Variants in LRMDA observed in about 807,000 individuals in gnomAD.
LRMDA encodes leucine-rich melanocyte differentiation-associated protein.
In LRMDA, 18 loss-of-function variants were observed where a neutral mutation model predicts 29.8. The observed-to-expected ratio is 0.60, with a 90% CI of 0.42 to 0.90. The LOEUF (loss-of-function observed/expected upper bound fraction) is 0.90. Ranked by LOEUF, LRMDA falls within the 40% of genes least tolerant of loss-of-function variation. The probability of loss-of-function intolerance (pLI) is 0.00; values close to 1 mark genes in which losing one functional copy is unlikely to be tolerated. For synonymous variants in LRMDA, 125 were observed against 109.4 expected, an observed-to-expected ratio of 1.14 and a Z score of -0.89; for missense variants, 273 against 273.9, an observed-to-expected ratio of 1.00 and a Z score of 0.02.
At position 76,126,090 on chromosome 10, in the gene LRMDA, T is replaced by C. The variant is rs147337845; in HGVS notation, c.516+67307T>C. On this transcript the variant is annotated intron_variant, in intron 5 of 6. Transcript: ENST00000611255. ...CAAACCACACACATGCCCTTGCAGG[T>C]TGAAGAGAGAGGGGATATCCTGACT... Among the ~76,000 whole-genome samples, 242 of 152,282 alleles carry C rather than the reference T, an allele frequency of 1.6e-3. 1 individual carries two copies. Among genetic ancestry groups the C allele is most frequent in the African/African-American group, 4.5e-3 (189 of 41,562 alleles).
At chr10:76,374,309 G>C (rs956494567) in intron 6 of LRMDA, among the ~76,000 whole-genome samples, 1 of 152,130 alleles carries the variant, frequency 6.6e-6, no homozygotes, top group Non-Finnish European at 1.5e-5. Context: ...TATTCTCTAA[G>C]AGTTCAGATA....
chr10:76,368,041 C>A (rs1411598175), intron 6 of LRMDA, among the ~76,000 whole-genome samples: 9 of 152,076 alleles, frequency 5.9e-5, no homozygotes, highest in Admixed American at 2.0e-4. Context: ...TTTTTCTTCT[C>A]AAAGAACCTG....
At chr10:75,559,073 T>C (rs1487339347) in intron 2 of LRMDA, among the ~76,000 whole-genome samples, 1 of 150,578 alleles carries the variant, frequency 6.6e-6, no homozygotes, top group African/African-American at 2.4e-5. Context: ...GGTCAAATGG[T>C]ATTTCTAGTT....
chr10:75,990,167 C>G (rs1847342839), intron 2 of LRMDA, among the ~76,000 whole-genome samples: 1 of 152,218 alleles, frequency 6.6e-6, no homozygotes. Flanking sequence ...GGAGAGGTAT[C>G]TGTTATCAGA....
At chr10:75,598,036 C>T (rs774525746) in intron 2 of LRMDA, among the ~76,000 whole-genome samples, 16 of 152,132 alleles carry the variant, frequency 1.1e-4, no homozygotes, top group African/African-American at 3.1e-4. Context: ...TTGCTGCCCC[C>T]GTAGAGCCGG....
intron 6 of LRMDA, among the ~76,000 whole-genome samples, chr10:76,375,478 A>C (rs1354521460): frequency 6.6e-6 from 1 of 152,188 alleles, no homozygotes; most frequent in Non-Finnish European, 1.5e-5. Flanking sequence ...TGCCAAAGAA[A>C]AGTTTTGCTT....
intron 5 of LRMDA, among the ~76,000 whole-genome samples, chr10:76,073,008 T>C (rs1288865174): frequency 1.3e-5 from 2 of 152,296 alleles, no homozygotes; most frequent in East Asian, 3.9e-4. Flanking sequence ...ATTGTGTTTG[T>C]CCATGCAACC....
intron 1 of LRMDA, among the ~76,000 whole-genome samples, chr10:75,436,538 G>A (rs1844266020): frequency 6.6e-6 from 1 of 151,824 alleles, no homozygotes; most frequent in Non-Finnish European, 1.5e-5. Context: ...TGCAATCTCG[G>A]CTCACTGCAA....
At chr10:76,278,957 C>G (rs1840169319) in intron 5 of LRMDA, among the ~76,000 whole-genome samples, 1 of 152,060 alleles carries the variant, frequency 6.6e-6, no homozygotes, top group African/African-American at 2.4e-5. Flanking sequence ...TGGGTTAGAA[C>G]AAGTTTGTTT....
chr10:76,526,950 C>T (rs966158338), intron 6 of LRMDA, among the ~76,000 whole-genome samples: 5 of 143,698 alleles, frequency 3.5e-5, no homozygotes, highest in African/African-American at 5.2e-5. Flanking sequence ...ACAATGTGCA[C>T]GTGTACCCTA....
chr10:75,692,202 TG>T (rs1487031449), intron 2 of LRMDA, among the ~76,000 whole-genome samples: 20 of 86,614 alleles, frequency 2.3e-4, no homozygotes, highest in Non-Finnish European at 3.1e-4. Context: ...ACCTTGTCTC[TG>T]GGGGGAAAAA....
At chr10:75,909,427 C>T (rs1041176192) in intron 2 of LRMDA, among the ~76,000 whole-genome samples, 4 of 152,124 alleles carry the variant, frequency 2.6e-5, no homozygotes, top group African/African-American at 9.7e-5. Flanking sequence ...CTCTGATGTC[C>T]CTGCAGCCCT....
In LRMDA at chr10:75,684,119, A is replaced by T. The variant is rs542564227; in HGVS notation, c.131+245625A>T. Among the ~76,000 whole-genome samples the T allele has an allele frequency of 3.9e-5, 6 of 152,356 alleles. No individual in the cohort carries two copies. In the South Asian group the frequency reaches 1.2e-3, roughly 32 times the overall value. ...GGCTGAAGTATTTTGTTGGGTAAAG[A>T]TAAATTAAAACATAAATTAGAAAGC... On this transcript the variant is annotated intron_variant, in intron 2 of 6. Transcript: ENST00000611255.
intron 1 of LRMDA, among the ~76,000 whole-genome samples, chr10:75,436,082 A>G (rs897397382): frequency 9.3e-5 from 14 of 150,678 alleles, no homozygotes; most frequent in Non-Finnish European, 2.1e-4. Flanking sequence ...AAAGAGAGAG[A>G]GAAATCTCAC....
intron 2 of LRMDA, among the ~76,000 whole-genome samples, chr10:75,618,987 C>T (rs541807625): frequency 6.3e-4 from 96 of 151,978 alleles, no homozygotes; most frequent in African/African-American, 2.1e-3. Context: ...TTAGTAGAGA[C>T]GGGGTTTCAC....
intron 5 of LRMDA, among the ~76,000 whole-genome samples, chr10:76,154,387 C>A (rs938350687): frequency 6.6e-6 from 1 of 152,150 alleles, no homozygotes; most frequent in African/African-American, 2.4e-5. Context: ...TTCAGAATGA[C>A]AATTAGAGCA....
chr10:76,368,906 A>G (rs1274854405), intron 6 of LRMDA, among the ~76,000 whole-genome samples: 1 of 152,146 alleles, frequency 6.6e-6, no homozygotes, highest in Non-Finnish European at 1.5e-5. Flanking sequence ...TTTGTCTGAT[A>G]TAAGAATAGC....
At chr10:75,963,002 G>A (rs963086638) in intron 2 of LRMDA, among the ~76,000 whole-genome samples, 1 of 152,140 alleles carries the variant, frequency 6.6e-6, no homozygotes, top group Admixed American at 6.5e-5. Context: ...AGACCAATTA[G>A]GGAATTAATT....
intron 2 of LRMDA, among the ~76,000 whole-genome samples, chr10:75,976,830 T>C (rs752964591): frequency 2.0e-5 from 3 of 152,208 alleles, no homozygotes; most frequent in Admixed American, 6.5e-5. Context: ...CTCCAGAGCA[T>C]GTGTTCCTAA....
Sources: allele counts gnomAD v4.1 joint callset (sites outside exome capture counted in the v4.1 genomes callset), GRCh38; gene constraint gnomAD v4.1.1; transcripts MANE v1.5; gene names NCBI Gene and HGNC (gene_info 2026-07-23, HGNC 2026-07-21).